Variants in TDP1 observed in about 807,000 individuals in gnomAD.
TDP1 encodes the protein tyrosyl-DNA phosphodiesterase 1, also known as tyr-DNA phosphodiesterase 1.
TDP1 carries 64 observed loss-of-function variants against 81.5 expected under a neutral mutation model. That is an observed-to-expected ratio of 0.79 (90% CI 0.64 to 0.97). TDP1 has a LOEUF of 0.97. Ranked by LOEUF, TDP1 falls within the 50% of genes least tolerant of loss-of-function variation. The pLI is 0.00. For missense variants in TDP1, 723 were observed against 743.8 expected, an observed-to-expected ratio of 0.97 and a Z score of 0.33; for synonymous variants, 256 against 264.3, an observed-to-expected ratio of 0.97 and a Z score of 0.30.
At chr14:90,037,239 A>G (rs929496042) in intron 16 of TDP1, among the ~76,000 whole-genome samples, 2 of 151,962 alleles carry the variant, frequency 1.3e-5, no homozygotes, top group Non-Finnish European at 2.9e-5. Flanking sequence ...TGTAATCTTA[A>G]CCTTTCTTCC....
intron 14 of TDP1, among the ~76,000 whole-genome samples, chr14:90,007,551 T>C (rs1270330496): frequency 6.6e-6 from 1 of 151,956 alleles, no homozygotes; most frequent in East Asian, 1.9e-4. Context: ...ATCGCTCCAC[T>C]GCACTCCAAC....
chr14:90,021,104 G>A (rs1237046029), intron 15 of TDP1, among the ~76,000 whole-genome samples: 4 of 152,040 alleles, frequency 2.6e-5, no homozygotes, highest in African/African-American at 9.7e-5. Flanking sequence ...CTTAAGGCAC[G>A]CTGGAGAGCA....
At chr14:89,989,159 C>T (rs1895898622) in intron 11 of TDP1, 69 bp downstream of exon 11, 14 of 1,505,282 alleles carry the variant, frequency 9.3e-6, no homozygotes, top group Admixed American at 1.7e-5. Context: ...GAAAATTGGT[C>T]CTCTTTGTAA....
chr14:89,974,584 G>A (rs529674995), intron 6 of TDP1, among the ~76,000 whole-genome samples: 21 of 152,278 alleles, frequency 1.4e-4, no homozygotes, highest in African/African-American at 4.6e-4. Context: ...AGGAGGCTGG[G>A]GTAGGTAGTG....
In TDP1 at chr14:89,975,540, ATATT is replaced by A. The variant is rs1894186500; in HGVS notation, c.757-240_757-237del. 6 of 845,860 alleles carry A rather than the reference ATATT, an allele frequency of 7.1e-6. No individual in the cohort carries two copies. The South Asian group carries it at 2.7e-4, about 38-fold the overall frequency. The allele number at this position is 845,860 out of a possible 1,614,324, so 52.4% of individuals were successfully genotyped here. On this transcript the variant is annotated intron_variant, in intron 6 of 16. Transcript: ENST00000335725. ...ATTACTGTAATTAAAAATGTAGTATATATTCTGTAGTGTATAATCATTCTGGGTA... is the reference window on the plus strand; with the variant it reads ...ATTACTGTAATTAAAAATGTAGTATACTGTAGTGTATAATCATTCTGGGTA...
chr14:90,028,772 A>C (rs1157321336), intron 15 of TDP1, among the ~76,000 whole-genome samples: 1 of 152,216 alleles, frequency 6.6e-6, no homozygotes, highest in Non-Finnish European at 1.5e-5. Context: ...AGACAGGGAT[A>C]GTTCAAACCT....
chr14:90,029,498 C>CT (rs551041373), intron 15 of TDP1, among the ~76,000 whole-genome samples: 4,386 of 122,734 alleles, frequency 0.036, 242 homozygotes, highest in African/African-American at 0.095. Context: ...CGCACCCGGC[C>CT]TTTTTTTTTT....
In TDP1 at chr14:89,964,242, A is replaced by G. The variant is rs557370763; in HGVS notation, c.559+569A>G. 7.0e-4 allele frequency among the ~76,000 whole-genome samples: 106 copies of G among 152,356 alleles called. 1 individual carries two copies. The South Asian group carries it at 0.019, about 27-fold the overall frequency. On this transcript the variant is annotated intron_variant, in intron 3 of 16. Coordinates refer to ENST00000335725, the MANE Select transcript of TDP1 (RefSeq NM_018319.4). ...AAAACAAAATAGTGCCTGAGTGCAAATAGATGTTTCAGTTATGGATCAAAA... is the reference window on the plus strand; with the variant it reads ...AAAACAAAATAGTGCCTGAGTGCAAGTAGATGTTTCAGTTATGGATCAAAA...
At position 89,973,300 on chromosome 14, in the gene TDP1, C is replaced by A. The variant is rs35611491; in HGVS notation, c.756+2029C>A. Among the ~76,000 whole-genome samples the A allele has an allele frequency of 2.6e-3, 390 of 152,332 alleles. 1 individual carries two copies. Among genetic ancestry groups the A allele is most frequent in the African/African-American group, 9.1e-3 (379 of 41,576 alleles). ...ATAGTGGGCAGAAAGTAAACTGACACAGAAATCCTGAAAACCAGTGACTAA... is the reference window on the plus strand; with the variant it reads ...ATAGTGGGCAGAAAGTAAACTGACAAAGAAATCCTGAAAACCAGTGACTAA... On this transcript the variant is annotated intron_variant, in intron 6 of 16. Transcript: ENST00000335725.
chr14:89,965,936 T>C (rs1892890568), intron 3 of TDP1: 1 of 887,166 alleles, frequency 1.1e-6, no homozygotes, highest in Non-Finnish European at 1.3e-6. Flanking sequence ...TGCATTGTTT[T>C]ATAAAAGAAT....
Position 89,963,275 on chromosome 14 carries a change from C to T in TDP1, c.161C>T (p.Ala54Val). The change falls in exon 3 of 17, where the codon GCT becomes GTT. Residue 54 changes from alanine (A) to valine (V), a missense_variant. Coordinates refer to ENST00000335725, the MANE Select transcript of TDP1 (RefSeq NM_018319.4). ...PRYTCSEAQK[A>V]AHKRKISPVK... Reference sequence around the variant, plus strand: ...TACACCTGTTCCGAGGCCCAGAAAGCTGCACACAAGAGGAAAATATCACCT... The same window carrying T: ...TACACCTGTTCCGAGGCCCAGAAAGTTGCACACAAGAGGAAAATATCACCT... The T allele has an allele frequency of 6.2e-7, 1 of 1,614,168 alleles. No homozygotes were observed. Among genetic ancestry groups the T allele is most frequent in the Non-Finnish European group, 8.5e-7 (1 of 1,180,026 alleles).
Position 89,985,180 on chromosome 14 carries a change from A to G in TDP1, c.1101A>G (p.Lys367=). 1.2e-6 allele frequency: 2 copies of G among 1,611,108 alleles called. No individual in the cohort carries two copies. The highest frequency in any genetic ancestry group is 1.7e-5 in the Admixed American group (1 of 59,928). The change falls in exon 10 of 17, where the codon AAA becomes AAG. Residue 367 remains lysine (K), a synonymous_variant. Coordinates refer to ENST00000335725, the MANE Select transcript of TDP1 (RefSeq NM_018319.4). ...CAGGACGCTTTCAAGGAAGTCAAAA[A>G]GATAATTGGGGACATTTTAGACTTA... ...STPGRFQGSQ[K]DNWGHFRLKK...
chr14:89,959,089 A>G (rs1892023746), intron 2 of TDP1, among the ~76,000 whole-genome samples: 1 of 152,246 alleles, frequency 6.6e-6, no homozygotes, highest in South Asian at 2.1e-4. Flanking sequence ...AAAGGGAAGT[A>G]CTTTCATAAT....
chr14:89,955,246 C>A (rs1043631639), upstream of TDP1: 2 of 152,256 alleles, frequency 1.3e-5, no homozygotes, highest in African/African-American at 4.8e-5. Flanking sequence ...GTGCCTGGCA[C>A]AAAGTAGATC....
chr14:90,039,552 C>T (rs1888153027), intron 16 of TDP1, among the ~76,000 whole-genome samples: 1 of 151,932 alleles, frequency 6.6e-6, no homozygotes, highest in African/African-American at 2.4e-5. Context: ...GGTGTTCGGG[C>T]ATGGGGGTGA....
chr14:89,988,757 G>A, intron 10 of TDP1, 148 bp from the exon 11 acceptor site: 1 of 1,505,122 alleles, frequency 6.6e-7, no homozygotes, highest in African/African-American at 1.4e-5. Flanking sequence ...GAAGAAGTAT[G>A]TATGTGTGGG....
chr14:89,984,023 C>T lies in TDP1; in HGVS notation c.885-493C>T, dbSNP rs571773018. The T allele has an allele frequency of 5.0e-5, 34 of 684,810 alleles. No homozygotes were observed. In the South Asian group the frequency reaches 1.5e-3, roughly 30 times the overall value. 42.4% of individuals were successfully genotyped at this position (684,810 alleles called of 1,614,324 possible). A position where few individuals can be genotyped will look rare whatever the true frequency, so the allele number is the denominator to read the frequency against. On this transcript the variant is annotated intron_variant, in intron 8 of 16. Coordinates refer to ENST00000335725, the MANE Select transcript of TDP1 (RefSeq NM_018319.4). ...TTGTTAATTGAAAATAGATTTTTCA[C>T]ATGCACTTTTGGTATAGATAACACA... is the stretch of plus-strand genomic sequence containing the variant.
chr14:90,023,842 G>A (rs1886358510), intron 15 of TDP1, among the ~76,000 whole-genome samples: 1 of 152,066 alleles, frequency 6.6e-6, no homozygotes, highest in Non-Finnish European at 1.5e-5. Context: ...CAGCTGACTT[G>A]TTAATTTTTC....
intron 6 of TDP1, chr14:89,975,520 T>C: frequency 1.0e-6 from 1 of 959,222 alleles, no homozygotes; most frequent in Non-Finnish European, 1.2e-6. Context: ...TCCTAATTAC[T>C]GTAATTAAAA....
Sources: allele counts gnomAD v4.1 joint callset (sites outside exome capture counted in the v4.1 genomes callset), GRCh38; gene constraint gnomAD v4.1.1; transcripts MANE v1.5; gene names NCBI Gene and HGNC (gene_info 2026-07-23, HGNC 2026-07-21).